The following SEPTIN5 variants were observed in gnomAD, a reference collection of about 807,000 sequenced individuals.
SEPTIN5 encodes the protein septin-5.
SEPTIN5 carries 16 observed loss-of-function variants against 51.2 expected under a neutral mutation model. The observed-to-expected ratio is 0.31, with a 90% confidence interval of 0.21 to 0.47. The LOEUF (loss-of-function observed/expected upper bound fraction) is 0.47, where lower values mean the gene tolerates loss of function less well. SEPTIN5 is among the 20% of genes least tolerant of loss of function. The pLI is 0.99. For synonymous variants in SEPTIN5, 208 were observed against 191.2 expected, an observed-to-expected ratio of 1.09 and a Z score of -0.72; for missense variants, 376 against 500.3, an observed-to-expected ratio of 0.75 and a Z score of 2.37.
At chr22:19,718,569 C>G (rs893967687) in intron 2 of SEPTIN5, 9 of 1,289,292 alleles carry the variant, frequency 7.0e-6, no homozygotes, top group Non-Finnish European at 7.9e-6. Flanking sequence ...GACGATCCCC[C>G]GGGTAGGCGA....
Position 19,720,250 on chromosome 22 carries a change from C to T in SEPTIN5, c.362+12C>T. On this transcript the variant is annotated intron_variant, in intron 5 of 11. Transcript: ENST00000455784. ...AACAACACCGAGTGGTGAGTGAGGCCTGCTGAGAAAGGCCTTGCCTAGGCG... is the reference window on the plus strand; with the variant it reads ...AACAACACCGAGTGGTGAGTGAGGCTTGCTGAGAAAGGCCTTGCCTAGGCG... The T allele has an allele frequency of 6.2e-7, 1 of 1,613,526 alleles. No homozygotes were observed. Among genetic ancestry groups the T allele is most frequent in the South Asian group, 1.1e-5 (1 of 91,086 alleles).
chr22:19,720,969 G>C (rs1036985148), intron 8 of SEPTIN5, 100 bp downstream of exon 8: 1 of 1,027,380 alleles, frequency 9.7e-7, no homozygotes, highest in African/African-American at 1.6e-5. Flanking sequence ...AGGAGGGCCA[G>C]GTCAGCCCAG....
Position 19,723,025 on chromosome 22 carries a change from G to A in SEPTIN5, c.*541G>A, listed in dbSNP as rs975043044. 1.9e-5 allele frequency: 9 copies of A among 461,780 alleles called. No homozygotes were observed. The highest frequency in any genetic ancestry group is 3.7e-5 in the Non-Finnish European group (9 of 242,740). The allele number at this position is 461,780 out of a possible 1,614,324, so 28.6% of individuals were successfully genotyped here. A position where few individuals can be genotyped will look rare whatever the true frequency, so the allele number is the denominator to read the frequency against. On this transcript the variant is annotated 3_prime_UTR_variant, in exon 12 of 12. Coordinates refer to ENST00000455784, the MANE Select transcript of SEPTIN5 (RefSeq NM_002688.6). ...GCCCTCCAGACATAAGGAGGCCAGA[G>A]GCTGCAAGGAGCGGGGTCGTGACCG...
rs1936072216 is a variant in SEPTIN5 at position 19,722,684 on chromosome 22, C to T, written c.*200C>T. ...CCCCCGCCCAGCTGGCCCTCTCTGA[C>T]CTTGGGGGATCAGGAGCGAAGTTGG... On this transcript the variant is annotated 3_prime_UTR_variant, in exon 12 of 12. Coordinates refer to ENST00000455784, the MANE Select transcript of SEPTIN5 (RefSeq NM_002688.6). 6.4e-6 allele frequency: 4 copies of T among 628,438 alleles called. No individual in the cohort carries two copies. The highest frequency in any genetic ancestry group is 1.1e-5 in the Non-Finnish European group (4 of 364,488). 38.9% of individuals were successfully genotyped at this position (628,438 alleles called of 1,614,324 possible).
intron 2 of SEPTIN5, chr22:19,717,920 ACGCG>A (rs560269741): frequency 1.5e-4 from 22 of 150,560 alleles, no homozygotes; most frequent in East Asian, 4.0e-4. Context: ...GCACACACAA[ACGCG>A]CGCACGCACG....
intron 8 of SEPTIN5, 60 bp downstream of exon 8, chr22:19,720,929 G>C: frequency 1.4e-6 from 2 of 1,453,194 alleles, no homozygotes; most frequent in Non-Finnish European, 1.9e-6. Context: ...GAACCAGAGG[G>C]CTTTGTCTCC....
intron 2 of SEPTIN5, chr22:19,718,751 C>T (rs1254039840): frequency 8.1e-7 from 1 of 1,237,862 alleles, no homozygotes; most frequent in Non-Finnish European, 1.0e-6. Flanking sequence ...GACTCGCTGG[C>T]AGCGCCCCAG....
intron 8 of SEPTIN5, 71 bp from the exon 9 acceptor site, chr22:19,721,569 A>T: frequency 6.5e-7 from 1 of 1,536,240 alleles, no homozygotes; most frequent in Non-Finnish European, 9.0e-7. Flanking sequence ...CGGGAGTTAC[A>T]TGCCCGTTTC....
Position 19,721,581 on chromosome 22 carries a change from C to T in SEPTIN5, c.718-59C>T, listed in dbSNP as rs1301239136. ...CCCCGGGAGTTACATGCCCGTTTCC[C>T]ATCAGTAACCGTGCAATTACGCTCA... On this transcript the variant is annotated intron_variant, in intron 8 of 11. Transcript: ENST00000455784. The T allele has an allele frequency of 3.2e-6, 5 of 1,573,644 alleles. No individual in the cohort carries two copies. The East Asian group carries it at 6.7e-5, about 21-fold the overall frequency.
intron 2 of SEPTIN5, chr22:19,719,077 G>T (rs1343470938): frequency 2.8e-6 from 1 of 351,626 alleles, no homozygotes; most frequent in Non-Finnish European, 5.0e-6. Context: ...GGGGCTGGGC[G>T]CCTGGGCGCG....
chr22:19,722,490 G>C lies in SEPTIN5; in HGVS notation c.*6G>C. Reference sequence around the variant, plus strand: ...AGCAGATGCAGGACCAGTGACGCTCGCCGCGGACACACCGTCCGTCTCCGG... The same window carrying C: ...AGCAGATGCAGGACCAGTGACGCTCCCCGCGGACACACCGTCCGTCTCCGG... On this transcript the variant is annotated 3_prime_UTR_variant, in exon 12 of 12. Coordinates refer to ENST00000455784, the MANE Select transcript of SEPTIN5 (RefSeq NM_002688.6). 1 of 1,590,254 alleles carries C rather than the reference G, an allele frequency of 6.3e-7. No homozygotes were observed. Among genetic ancestry groups the C allele is most frequent in the Non-Finnish European group, 8.6e-7 (1 of 1,168,588 alleles).
intron 2 of SEPTIN5, chr22:19,717,648 T>TTTCCC (rs1057337353): frequency 6.9e-6 from 2 of 290,048 alleles, no homozygotes; most frequent in African/African-American, 2.3e-5. Flanking sequence ...GCACCCTTCC[T>TTTCCC]TTCCCTTCCC....
rs1327915196 is a variant in SEPTIN5 at position 19,720,571 on chromosome 22, T to G, written c.520T>G (p.Phe174Val). 1.2e-6 allele frequency: 2 copies of G among 1,612,934 alleles called. No individual in the cohort carries two copies. The highest frequency in any genetic ancestry group is 1.3e-5 in the African/African-American group (1 of 74,928). Reference protein sequence around the residue: ...GHGLRPVDVGFMKALHEKVNI... With the variant: ...GHGLRPVDVGVMKALHEKVNI... ...CAGGCTGCGGCCAGTGGATGTGGGT[T>G]TCATGAAGGCATTGCATGAGAAGGT... is the stretch of plus-strand genomic sequence containing the variant. The change falls in exon 7 of 12, where the codon TTC becomes GTC. Residue 174 changes from phenylalanine to valine, a missense_variant. By Grantham distance (50) the Phe-to-Val change is conservative. This residue lies in a region of SEPTIN5 where 287 missense variants were observed against 417.1 expected (regional missense o/e 0.69). Transcript: ENST00000455784.
At chr22:19,715,992 C>T (rs1935906338) in intron 2 of SEPTIN5, among the ~76,000 whole-genome samples, 1 of 152,236 alleles carries the variant, frequency 6.6e-6, no homozygotes, top group Non-Finnish European at 1.5e-5. Flanking sequence ...TCTCCTGTGC[C>T]TGCAGGTGTC....
In SEPTIN5 at chr22:19,719,859, T is replaced by A; in HGVS notation, c.205T>A (p.Leu69Met). ...TLVHSLFLTD[L>M]YKDRKLLSAE... The stretch of plus-strand genomic sequence containing the variant: ...GGTCCACAGCCTCTTCCTGACAGAC[T>A]TGTACAAGGACCGGAAGCTGCTCAG... Residue 69 changes from leucine to methionine, a missense_variant, in exon 4 of 12, where the codon TTG becomes ATG. This residue lies in a region of SEPTIN5 where 287 missense variants were observed against 417.1 expected (regional missense o/e 0.69). Coordinates refer to ENST00000455784, the MANE Select transcript of SEPTIN5 (RefSeq NM_002688.6). The A allele has an allele frequency of 1.2e-6, 2 of 1,613,072 alleles. No homozygotes were observed. The highest frequency in any genetic ancestry group is 1.7e-6 in the Non-Finnish European group (2 of 1,179,928).
chr22:19,720,640 A>C lies in SEPTIN5; in HGVS notation c.589A>C (p.Ser197Arg). The change falls in exon 7 of 12, where the codon AGT (serine) becomes CGT (arginine). Residue 197 changes from serine (S) to arginine (R), a missense_variant. Ser to Arg is a moderately radical substitution (Grantham distance 110). Transcript: ENST00000455784. ...CGCCAAAGCTGACTGTCTTGTCCCC[A>C]GTGAGATCCGGAAGCTGAAGGAGCG... is the stretch of plus-strand genomic sequence containing the variant. The part of the protein sequence containing the change: ...LIAKADCLVP[S>R]EIRKLKERIR... The C allele has an allele frequency of 6.2e-7, 1 of 1,612,938 alleles. No homozygotes were observed. Among genetic ancestry groups the C allele is most frequent in the Non-Finnish European group, 8.5e-7 (1 of 1,180,020 alleles).
rs1440030334 is a variant in SEPTIN5, at chr22:19,723,294, A to G, written c.*810A>G. 2 of 696,940 alleles carry G rather than the reference A, an allele frequency of 2.9e-6. No homozygotes were observed. The highest frequency in any genetic ancestry group is 2.6e-6 in the Non-Finnish European group (1 of 381,804). 43.2% of individuals were successfully genotyped at this position (696,940 alleles called of 1,614,324 possible). On this transcript the variant is annotated 3_prime_UTR_variant, in exon 12 of 12. Coordinates refer to ENST00000455784, the MANE Select transcript of SEPTIN5 (RefSeq NM_002688.6). Reference sequence around the variant, plus strand: ...GTGAATGCCGCGTCCTGTCCTGGTGACAGGAGAACAATGTTGGTGAACGTC... The same window carrying G: ...GTGAATGCCGCGTCCTGTCCTGGTGGCAGGAGAACAATGTTGGTGAACGTC...
chr22:19,723,208 C>T lies in SEPTIN5; in HGVS notation c.*724C>T, dbSNP rs965251143. On this transcript the variant is annotated 3_prime_UTR_variant, in exon 12 of 12. Coordinates refer to ENST00000455784, the MANE Select transcript of SEPTIN5 (RefSeq NM_002688.6). ...GTGTGCCGGGATCCTGAGCCTAGGC[C>T]TCCCGATGTTCCCACCCGCATGATC... The T allele has an allele frequency of 6.5e-6, 4 of 611,674 alleles. No homozygotes were observed. Among genetic ancestry groups the T allele is most frequent in the African/African-American group, 3.6e-5 (2 of 55,898 alleles). 37.9% of individuals were successfully genotyped at this position (611,674 alleles called of 1,614,324 possible).
Position 19,720,879 on chromosome 22 carries a change from C to T in SEPTIN5, c.717+10C>T, listed in dbSNP as rs1292371486. The T allele has an allele frequency of 1.2e-6, 2 of 1,609,590 alleles. No individual in the cohort carries two copies. Among genetic ancestry groups the T allele is most frequent in the African/African-American group, 1.3e-5 (1 of 74,802 alleles). ...GGACCGGGAACTGAAGGTGAACATG[C>T]AGACTGGTGGGGCAGGGGGGATGGA... On this transcript the variant is annotated intron_variant, in intron 8 of 11. Transcript: ENST00000455784.
Sources: gnomAD v4.1 joint callset for allele counts (sites outside exome capture counted in the v4.1 genomes callset) on GRCh38, gnomAD v4.1.1 for gene constraint, gnomAD v4.1.1 regional missense constraint, MANE v1.5 for transcripts, NCBI Gene and HGNC (gene_info 2026-07-23, HGNC 2026-07-21) for gene names.